ZFPM1: variants seen among roughly 807,000 people sequenced by gnomAD.
The protein encoded by ZFPM1 is zinc finger protein, FOG family member 1, also known as zinc finger protein ZFPM1.
ZFPM1 carries 28 observed loss-of-function variants against 46.3 expected under a neutral mutation model. The ratio of observed to expected loss-of-function variants is 0.60; its 90% CI spans 0.45 to 0.83. ZFPM1 has a LOEUF of 0.83. ZFPM1 is among the 40% of genes least tolerant of loss of function. The pLI is 0.00. For missense variants in ZFPM1, 1,878 were observed against 1,432.4 expected, an observed-to-expected ratio of 1.31 and a Z score of -5.02; for synonymous variants, 957 against 675.9, an observed-to-expected ratio of 1.42 and a Z score of -6.45.
intron 1 of ZFPM1, among the ~76,000 whole-genome samples, chr16:88,455,890 G>T (rs1360806675): frequency 1.3e-5 from 2 of 152,168 alleles, no homozygotes; most frequent in African/African-American, 4.8e-5. Flanking sequence ...GACCCCCGGC[G>T]CCCCCAGCCC....
chr16:88,532,584 G>A, intron 7 of ZFPM1, 30 bp from the exon 8 acceptor site: 1 of 1,547,058 alleles, frequency 6.5e-7, no homozygotes, highest in Non-Finnish European at 8.7e-7. Flanking sequence ...AGCTGGCCCG[G>A]GCACCGCTCT....
intron 1 of ZFPM1, among the ~76,000 whole-genome samples, chr16:88,484,741 C>T (rs1424105938): frequency 6.6e-6 from 1 of 152,150 alleles, no homozygotes; most frequent in African/African-American, 2.4e-5. Flanking sequence ...GCACCTCTGT[C>T]CTCTGTTCAC....
chr16:88,508,574 G>T (rs1483591921), intron 3 of ZFPM1, among the ~76,000 whole-genome samples: 1 of 152,252 alleles, frequency 6.6e-6, no homozygotes, highest in Non-Finnish European at 1.5e-5. Flanking sequence ...TCTCCCAGAT[G>T]TGGCCTTCGG....
rs143957543 is a variant in ZFPM1, at chr16:88,482,859, G to A, written c.41-3080G>A. Among the ~76,000 whole-genome samples, 781 of 152,294 alleles carry A rather than the reference G, an allele frequency of 5.1e-3. 5 individuals carry two copies. Among genetic ancestry groups the A allele is most frequent in the African/African-American group, 0.018 (737 of 41,546 alleles). ...TGAGCTGATCGTTCCGCGTGCTCCCGCCAAGTCGGGGATGGCCGAGCACCT... is the reference window on the plus strand; with the variant it reads ...TGAGCTGATCGTTCCGCGTGCTCCCACCAAGTCGGGGATGGCCGAGCACCT... On this transcript the variant is annotated intron_variant, in intron 1 of 9. Coordinates refer to ENST00000319555, the MANE Select transcript of ZFPM1 (RefSeq NM_153813.3).
chr16:88,503,942 T>TG (rs1555525999), intron 3 of ZFPM1, among the ~76,000 whole-genome samples: 1 of 150,972 alleles, frequency 6.6e-6, no homozygotes, highest in Non-Finnish European at 1.5e-5. Flanking sequence ...TTTCCATTCT[T>TG]GGGGGTAGCA....
At chr16:88,520,210 G>A (rs1911723514) in intron 4 of ZFPM1, among the ~76,000 whole-genome samples, 1 of 150,060 alleles carries the variant, frequency 6.7e-6, no homozygotes, top group Non-Finnish European at 1.5e-5. Flanking sequence ...ATGGGTAGAT[G>A]GACAGATGAG....
At chr16:88,488,303 G>A (rs528250756) in intron 2 of ZFPM1, among the ~76,000 whole-genome samples, 1 of 152,254 alleles carries the variant, frequency 6.6e-6, no homozygotes, top group Non-Finnish European at 1.5e-5. Context: ...GGCGGGGGTG[G>A]GGCCCGGGAA....
At chr16:88,530,284 C>T (rs1275685493) in intron 6 of ZFPM1, among the ~76,000 whole-genome samples, 2 of 152,184 alleles carry the variant, frequency 1.3e-5, no homozygotes, top group Non-Finnish European at 1.5e-5. Context: ...GCGGAGACCA[C>T]CTCCCAGTCC....
At chr16:88,460,976 C>A (rs1907811799) in intron 1 of ZFPM1, among the ~76,000 whole-genome samples, 1 of 36,802 alleles carries the variant, frequency 2.7e-5, no homozygotes, top group Non-Finnish European at 4.9e-5. Flanking sequence ...CTGGTGAGGA[C>A]CGAGGGGAGG....
chr16:88,461,672 G>A (rs1424638364), intron 1 of ZFPM1, among the ~76,000 whole-genome samples: 2 of 152,174 alleles, frequency 1.3e-5, no homozygotes, highest in East Asian at 1.9e-4. Flanking sequence ...AAGCCCTGAG[G>A]GTTGGACGTT....
intron 1 of ZFPM1, among the ~76,000 whole-genome samples, chr16:88,470,408 G>A (rs1908361855): frequency 2.0e-5 from 3 of 152,244 alleles, no homozygotes; most frequent in Admixed American, 2.0e-4. Flanking sequence ...AGCCTAACGA[G>A]GGAGAGTGAA....
At position 88,480,099 on chromosome 16, in the gene ZFPM1, G is replaced by A. The variant is rs1195933395; in HGVS notation, c.41-5840G>A. Among the ~76,000 whole-genome samples, 1 of 152,008 alleles carries A rather than the reference G, an allele frequency of 6.6e-6. No individual in the cohort carries two copies. The highest frequency in any genetic ancestry group is 1.5e-5 in the Non-Finnish European group (1 of 68,026). ...GGCTCAGGGAGAAGCCGCCTGCCCT[G>A]TGCCAGCCTCAGCTCCTGCTGTTCC... On this transcript the variant is annotated intron_variant, in intron 1 of 9. Transcript: ENST00000319555. The surrounding 1 kb of genome is among the most constrained non-coding windows in gnomAD (Gnocchi z 4.9).
intron 3 of ZFPM1, among the ~76,000 whole-genome samples, chr16:88,493,008 T>C (rs535511441): frequency 1.3e-5 from 2 of 151,392 alleles, no homozygotes; most frequent in African/African-American, 4.9e-5. Flanking sequence ...TGTGGGGAGC[T>C]GTCCCGGGGT....
rs141376785 is a variant in ZFPM1 at position 88,483,733 on chromosome 16, A to G, written c.41-2206A>G. Among the ~76,000 whole-genome samples the G allele has an allele frequency of 5.8e-3, 879 of 152,262 alleles. 6 individuals are homozygous for G. Among genetic ancestry groups the G allele is most frequent in the African/African-American group, 0.02 (822 of 41,554 alleles). On this transcript the variant is annotated intron_variant, in intron 1 of 9. Transcript: ENST00000319555. ...CATCCTGGAACGGCACCTGGCACCT[A>G]GCCCTCGGGTGTCAGCAGAAGGCAG...
chr16:88,451,947 C>A (rs1013084396), upstream of ZFPM1, among the ~76,000 whole-genome samples: 1 of 152,192 alleles, frequency 6.6e-6, no homozygotes, highest in African/African-American at 2.4e-5. Context: ...GGGTAAGCCC[C>A]CACTTCTCCC....
intron 3 of ZFPM1, among the ~76,000 whole-genome samples, chr16:88,498,299 G>GC (rs1910056170): frequency 6.6e-6 from 1 of 152,208 alleles, no homozygotes; most frequent in Admixed American, 6.5e-5. Flanking sequence ...TCGCAGCCAC[G>GC]CCCCTTCCCC....
At chr16:88,517,653 G>A (rs1282425217) in intron 4 of ZFPM1, among the ~76,000 whole-genome samples, 1 of 151,160 alleles carries the variant, frequency 6.6e-6, no homozygotes, top group African/African-American at 2.4e-5. Flanking sequence ...TGGATAAGTG[G>A]ATGGATGGGA....
Position 88,532,259 on chromosome 16 carries a change from G to A in ZFPM1, c.946+24G>A, listed in dbSNP as rs112761701. 2,462 of 1,566,676 alleles carry A rather than the reference G, an allele frequency of 1.6e-3. 27 individuals carry two copies. In the African/African-American group the frequency reaches 0.03, roughly 19 times the overall value. ...CGGTGAGCCCCCACCCCGGACGCGG[G>A]TCCTCAGGATGCCGGCTGCTTCCCC... is the stretch of plus-strand genomic sequence containing the variant. On this transcript the variant is annotated intron_variant, in intron 7 of 9. Transcript: ENST00000319555.
chr16:88,489,358 C>A, intron 3 of ZFPM1: 1 of 775,160 alleles, frequency 1.3e-6, no homozygotes, highest in Non-Finnish European at 1.9e-6. Flanking sequence ...CAATCCCGGG[C>A]CTCACGTGGT....
Sources: allele counts gnomAD v4.1 joint callset (sites outside exome capture counted in the v4.1 genomes callset), GRCh38; gene constraint gnomAD v4.1.1; non-coding constraint Gnocchi (gnomAD v3.1); transcripts MANE v1.5; gene names NCBI Gene and HGNC (gene_info 2026-07-23, HGNC 2026-07-21).